The following STARD8 variants were observed in gnomAD, a reference collection of about 807,000 sequenced individuals.
STARD8 encodes StAR related lipid transfer domain containing 8.
In STARD8, 25 loss-of-function variants were observed where a neutral mutation model predicts 69.4. The ratio of observed to expected loss-of-function variants is 0.36; its 90% CI spans 0.26 to 0.50. The LOEUF (loss-of-function observed/expected upper bound fraction) is 0.50, where lower values mean the gene tolerates loss of function less well. STARD8 is among the 20% of genes least tolerant of loss of function. The probability of loss-of-function intolerance (pLI) is 0.96; values close to 1 mark genes in which losing one functional copy is unlikely to be tolerated. For missense variants in STARD8, 921 were observed against 932.5 expected, an observed-to-expected ratio of 0.99 and a Z score of 0.16; for synonymous variants, 389 against 374.6, an observed-to-expected ratio of 1.04 and a Z score of -0.45.
rs1171509369 is a variant in STARD8, at chrX:68,722,483, C to T, written c.2636C>T (p.Pro879Leu). The change falls in exon 12 of 15, where the codon CCC becomes CTC. Residue 879 changes from proline (P) to leucine (L), a missense_variant. Transcript: ENST00000374599. ...TACAGCGCAGCTGAGCTCAGCCCTC[C>T]CGGCCCAGCCCTGGCTGAGCTGCGT... ...SSYSAAELSP[P>L]GPALAELRQA... is the part of the protein sequence containing the mutation. The T allele has an allele frequency of 1.7e-6, 2 of 1,210,349 alleles. No individual in the cohort carries two copies. Among genetic ancestry groups the T allele is most frequent in the South Asian group, 1.8e-5 (1 of 56,717 alleles).
Position 68,647,743 on chromosome X carries a change from C to T in STARD8, c.-140C>T, listed in dbSNP as rs1289822563. ...GCAACCGCTGCTCTCCGCCTCTCCC[C>T]TCGCGGGGCCGGCTCATGGAGCGCA... On this transcript the variant is annotated 5_prime_UTR_variant, in exon 1 of 15. Coordinates refer to ENST00000374599, the MANE Select transcript of STARD8 (RefSeq NM_001142503.3). The T allele has an allele frequency of 1.2e-6, 1 of 806,155 alleles. No individual in the cohort carries two copies. The allele number at this position is 806,155 out of a possible 1,213,427, so 66.4% of individuals were successfully genotyped here. A position where few individuals can be genotyped will look rare whatever the true frequency, so the allele number is the denominator to read the frequency against.
intron 2 of STARD8, among the ~76,000 whole-genome samples, chrX:68,694,091 G>T (rs1341360942): frequency 8.8e-6 from 1 of 113,252 alleles, no homozygotes; most frequent in Non-Finnish European, 1.9e-5. Flanking sequence ...GGCGGTGGAA[G>T]GCAGCTGTCC....
At chrX:68,672,947 C>T (rs1010823832) in intron 2 of STARD8, among the ~76,000 whole-genome samples, 39 of 111,900 alleles carry the variant, frequency 3.5e-4, no homozygotes, top group African/African-American at 1.2e-3. Context: ...TCAGGGAATA[C>T]ATTCCACAGG....
chrX:68,725,546 T>C lies in STARD8; in HGVS notation c.*1124T>C, dbSNP rs2080192476. 1 of 102,867 alleles carries C rather than the reference T, an allele frequency of 9.7e-6. No homozygotes were observed. Among genetic ancestry groups the C allele is most frequent in the Non-Finnish European group, 1.9e-5 (1 of 51,410 alleles). The allele number at this position is 102,867 out of a possible 1,213,427, so 8.5% of individuals were successfully genotyped here. On this transcript the variant is annotated 3_prime_UTR_variant, in exon 15 of 15. Coordinates refer to ENST00000374599, the MANE Select transcript of STARD8 (RefSeq NM_001142503.3). The stretch of plus-strand genomic sequence containing the variant: ...CTATTTTATTTGTACCTGTAAATAC[T>C]GTACAGCTAATATATATATATATAT...
intron 1 of STARD8, among the ~76,000 whole-genome samples, chrX:68,656,949 A>G (rs1325043396): frequency 2.7e-5 from 3 of 111,640 alleles, no homozygotes; most frequent in Non-Finnish European, 5.6e-5. Flanking sequence ...TGGCACATGT[A>G]TACATATGTA....
At chrX:68,660,533 A>C (rs180961693) in intron 1 of STARD8, among the ~76,000 whole-genome samples, 41 of 111,767 alleles carry the variant, frequency 3.7e-4, no homozygotes, top group African/African-American at 1.3e-3. Flanking sequence ...CAGTGCTCCA[A>C]CTTAGGACCT....
At chrX:68,649,586 G>GGGGAAGGGGAA (rs1276439142) in intron 1 of STARD8, among the ~76,000 whole-genome samples, 3 of 111,126 alleles carry the variant, frequency 2.7e-5, no homozygotes, top group Non-Finnish European at 5.6e-5. Flanking sequence ...TCCTTCCTGT[G>GGGGAAGGGGAA]GGGGTGGGGA....
intron 1 of STARD8, among the ~76,000 whole-genome samples, chrX:68,654,389 A>G (rs1380112438): frequency 1.8e-5 from 2 of 111,693 alleles, no homozygotes; most frequent in African/African-American, 6.5e-5. Flanking sequence ...ACCCTGCCGT[A>G]CCTACCCACA....
At chrX:68,656,871 G>C (rs7889601) in intron 1 of STARD8, among the ~76,000 whole-genome samples, 2 of 110,810 alleles carry the variant, frequency 1.8e-5, no homozygotes, top group Non-Finnish European at 3.8e-5. Context: ...GGTGGAGGAG[G>C]GGGGAGGGAT....
chrX:68,706,906 A>C (rs1227285000), intron 2 of STARD8, among the ~76,000 whole-genome samples: 1 of 113,100 alleles, frequency 8.8e-6, no homozygotes, highest in Non-Finnish European at 1.9e-5. Context: ...TGATCTGAGA[A>C]GCAGTTTGCC....
intron 2 of STARD8, among the ~76,000 whole-genome samples, chrX:68,666,678 G>A (rs1000871536): frequency 8.9e-6 from 1 of 112,173 alleles, no homozygotes; most frequent in South Asian, 3.7e-4. Context: ...CATGACAGCA[G>A]AGAAGAGAGG....
intron 2 of STARD8, among the ~76,000 whole-genome samples, chrX:68,687,951 A>G (rs2079845673): frequency 8.9e-6 from 1 of 112,525 alleles, no homozygotes; most frequent in Admixed American, 9.3e-5. Context: ...GCAGGTACCC[A>G]GGCTGTGGGC....
chrX:68,652,392 GA>G (rs1375915469), intron 1 of STARD8, among the ~76,000 whole-genome samples: 1 of 111,401 alleles, frequency 9.0e-6, no homozygotes, highest in East Asian at 2.8e-4. Flanking sequence ...TTTGGGAGAT[GA>G]AGGCTGACAC....
chrX:68,665,284 G>A (rs1274430979), intron 1 of STARD8, among the ~76,000 whole-genome samples: 2 of 112,050 alleles, frequency 1.8e-5, no homozygotes, highest in Non-Finnish European at 3.8e-5. Flanking sequence ...ATCAGCCATG[G>A]GGTAGCAGAA....
chrX:68,658,105 T>C (rs757809758), intron 1 of STARD8, among the ~76,000 whole-genome samples: 2 of 111,461 alleles, frequency 1.8e-5, no homozygotes, highest in South Asian at 7.6e-4. Flanking sequence ...TTAGAACTAA[T>C]ACTAGCTAAT....
At chrX:68,667,121 C>G (rs1229133649) in intron 2 of STARD8, among the ~76,000 whole-genome samples, 1 of 112,184 alleles carries the variant, frequency 8.9e-6, no homozygotes, top group Non-Finnish European at 1.9e-5. Flanking sequence ...GGTCTTTCTG[C>G]TATTTCTTAG....
intron 2 of STARD8, among the ~76,000 whole-genome samples, chrX:68,702,091 G>A (rs981355491): frequency 2.0e-4 from 23 of 112,270 alleles, no homozygotes; most frequent in Admixed American, 1.8e-3. Flanking sequence ...GGAGTGCTAC[G>A]AAGGCCAGTC....
chrX:68,688,760 C>G (rs2079853000), intron 2 of STARD8, among the ~76,000 whole-genome samples: 1 of 108,161 alleles, frequency 9.2e-6, no homozygotes, highest in African/African-American at 3.4e-5. Flanking sequence ...GCCTTTCCCC[C>G]AGGCTCCCCA....
intron 1 of STARD8, among the ~76,000 whole-genome samples, chrX:68,663,183 A>G (rs745337946): frequency 4.5e-5 from 5 of 112,180 alleles, no homozygotes; most frequent in Non-Finnish European, 7.5e-5. Flanking sequence ...TTGATGCAAA[A>G]GTTCATATGC....
Sources: gnomAD v4.1 joint callset for allele counts (sites outside exome capture counted in the v4.1 genomes callset) on GRCh38, gnomAD v4.1.1 for gene constraint, MANE v1.5 for transcripts, NCBI Gene and HGNC (gene_info 2026-07-23, HGNC 2026-07-21) for gene names.